The following CLSTN2 variants were observed in gnomAD, a reference collection of about 807,000 sequenced individuals.
CLSTN2 encodes the protein calsyntenin 2.
CLSTN2 carries 48 observed loss-of-function variants against 101.2 expected under a neutral mutation model. The observed-to-expected ratio is 0.47, with a 90% CI of 0.38 to 0.60. The LOEUF is 0.60. CLSTN2 is among the 20% of genes least tolerant of loss of function. CLSTN2 has a pLI of 0.00. For synonymous variants in CLSTN2, 481 were observed against 463.6 expected (o/e 1.04, Z -0.48); for missense variants, 1,160 against 1,238.2 (o/e 0.94, Z 0.95).
rs560416514 is a variant in CLSTN2 at position 140,376,910 on chromosome 3, A to C, written c.233-26719A>C. ...CCTGCCCTCTGAAGTGAAGGAAAGG[A>C]ACATACTTTTGCTATAGGTACTCCC... On this transcript the variant is annotated intron_variant, in intron 2 of 16. Transcript: ENST00000458420. Among the ~76,000 whole-genome samples, 4 of 152,312 alleles carry C rather than the reference A, an allele frequency of 2.6e-5. No individual in the cohort carries two copies. The South Asian group carries it at 6.2e-4, about 24-fold the overall frequency.
intron 2 of CLSTN2, among the ~76,000 whole-genome samples, chr3:140,249,232 C>A (rs1273444207): frequency 1.3e-5 from 2 of 152,208 alleles, no homozygotes; most frequent in African/African-American, 4.8e-5. Flanking sequence ...AAAGTTATTT[C>A]TCTGTTCAGT....
chr3:140,284,374 T>A (rs1319828680), intron 2 of CLSTN2, among the ~76,000 whole-genome samples: 1 of 152,168 alleles, frequency 6.6e-6, no homozygotes, highest in African/African-American at 2.4e-5. Context: ...CCATCACCCT[T>A]AGCCAGTCTT....
chr3:140,293,257 C>G (rs2086970954), intron 2 of CLSTN2, among the ~76,000 whole-genome samples: 2 of 151,842 alleles, frequency 1.3e-5, no homozygotes, highest in South Asian at 4.2e-4. Context: ...TGTAGAGTGA[C>G]AGAGGAGAGG....
Position 140,566,280 on chromosome 3 carries a change from C to A in CLSTN2, c.*27C>A. The A allele has an allele frequency of 6.5e-7, 1 of 1,546,782 alleles. No homozygotes were observed. The highest frequency in any genetic ancestry group is 2.4e-5 in the East Asian group (1 of 40,998). ...GCCCAGGGGTCTGCTGCCTGGCCCA[C>A]ATGTCCCTTTTGTAAACCCTGACCC... On this transcript the variant is annotated 3_prime_UTR_variant, in exon 17 of 17. Coordinates refer to ENST00000458420, the MANE Select transcript of CLSTN2 (RefSeq NM_022131.3).
Position 140,563,080 on chromosome 3 carries a change from G to A in CLSTN2, c.2359G>A (p.Val787Ile), listed in dbSNP as rs1178058553. Residue 787 changes from valine to isoleucine, a missense_variant and splice_region_variant, in exon 15 of 17, where the codon GTC becomes ATC. Physicochemically the swap from Val to Ile is conservative, Grantham distance 29 (BLOSUM62 3). Coordinates refer to ENST00000458420, the MANE Select transcript of CLSTN2 (RefSeq NM_022131.3). ...TAGCACCTCTCCCCACTCTTCCCAG[G>A]TCAGCATCCTTCATGAAGACCAAGT... The part of the protein sequence containing the change: ...RYTSNEFNLE[V>I]SILHEDQVSD... The A allele has an allele frequency of 1.2e-6, 2 of 1,614,018 alleles. No individual in the cohort carries two copies. Among genetic ancestry groups the A allele is most frequent in the Non-Finnish European group, 1.7e-6 (2 of 1,179,976 alleles).
At chr3:140,032,332 CTT>C (rs982523156) in intron 1 of CLSTN2, among the ~76,000 whole-genome samples, 7 of 120,374 alleles carry the variant, frequency 5.8e-5, no homozygotes, top group Admixed American at 1.7e-4. Context: ...CTAACAAGTA[CTT>C]TTTTTTTTTT....
At chr3:140,192,544 C>A (rs1317889991) in intron 2 of CLSTN2, among the ~76,000 whole-genome samples, 11 of 151,904 alleles carry the variant, frequency 7.2e-5, no homozygotes, top group Admixed American at 3.3e-4. Flanking sequence ...AATCATTATA[C>A]AATGTCACTC....
At chr3:140,362,409 T>C (rs1194069914) in intron 2 of CLSTN2, among the ~76,000 whole-genome samples, 2 of 152,160 alleles carry the variant, frequency 1.3e-5, no homozygotes, top group Non-Finnish European at 2.9e-5. Flanking sequence ...AGGCAATTAA[T>C]TCTTAGATAT....
chr3:140,397,682 C>T (rs967329620), intron 2 of CLSTN2, among the ~76,000 whole-genome samples: 18 of 152,140 alleles, frequency 1.2e-4, no homozygotes, highest in African/African-American at 4.3e-4. Context: ...CAAATCATGA[C>T]CTAATTAACT....
chr3:140,358,643 A>G (rs983741343), intron 2 of CLSTN2, among the ~76,000 whole-genome samples: 1 of 152,074 alleles, frequency 6.6e-6, no homozygotes, highest in Non-Finnish European at 1.5e-5. Flanking sequence ...TTTTAGATTA[A>G]TATTATTCTA....
intron 1 of CLSTN2, among the ~76,000 whole-genome samples, chr3:139,942,379 C>T (rs949867775): frequency 1.2e-4 from 18 of 152,138 alleles, no homozygotes; most frequent in African/African-American, 4.1e-4. Flanking sequence ...GGAGGGGTCT[C>T]CTGCACCAGA....
intron 5 of CLSTN2, among the ~76,000 whole-genome samples, chr3:140,438,948 T>C (rs919020375): frequency 6.6e-6 from 1 of 152,198 alleles, no homozygotes; most frequent in Admixed American, 6.5e-5. Context: ...TCCAGGCTTC[T>C]GAACACCACA....
Position 140,570,386 on chromosome 3 carries a change from G to GTATT in CLSTN2, c.*4134_*4137dup, listed in dbSNP as rs1305493005. 2 of 152,178 alleles carry GTATT rather than the reference G, an allele frequency of 1.3e-5. No individual in the cohort carries two copies. Among genetic ancestry groups the GTATT allele is most frequent in the African/African-American group, 4.8e-5 (2 of 41,434 alleles). 9.4% of individuals were successfully genotyped at this position (152,178 alleles called of 1,614,324 possible). A position where few individuals can be genotyped will look rare whatever the true frequency, so the allele number is the denominator to read the frequency against. ...TTACATAGCATTTACACTGTATTAG[G>GTATT]TATTATAAGTAACCTAGAGATGATT... On this transcript the variant is annotated 3_prime_UTR_variant, in exon 17 of 17. Transcript: ENST00000458420.
At chr3:140,298,864 G>T (rs143562617) in intron 2 of CLSTN2, among the ~76,000 whole-genome samples, 148 of 152,284 alleles carry the variant, frequency 9.7e-4, no homozygotes, top group African/African-American at 3.5e-3. Flanking sequence ...CCTTGAAGAG[G>T]CAAGGAAGGC....
Position 140,393,370 on chromosome 3 carries a change from C to T in CLSTN2, c.233-10259C>T, listed in dbSNP as rs151289033. On this transcript the variant is annotated intron_variant, in intron 2 of 16. Coordinates refer to ENST00000458420, the MANE Select transcript of CLSTN2 (RefSeq NM_022131.3). ...GGTTAATTGAGGAGGCTGCAATATT[C>T]AGCCCCTATATCTTGAGTGCTCATT... 4.7e-3 allele frequency among the ~76,000 whole-genome samples: 719 copies of T among 152,320 alleles called. 8 individuals carry two copies. Among genetic ancestry groups the T allele is most frequent in the African/African-American group, 0.017 (694 of 41,580 alleles).
intron 2 of CLSTN2, among the ~76,000 whole-genome samples, chr3:140,322,555 A>G (rs1029696717): frequency 2.6e-5 from 4 of 152,234 alleles, no homozygotes; most frequent in Non-Finnish European, 5.9e-5. Flanking sequence ...TCTACAGCAG[A>G]TGTCAATGTA....
intron 2 of CLSTN2, among the ~76,000 whole-genome samples, chr3:140,252,797 G>C (rs368392603): frequency 6.6e-6 from 1 of 152,184 alleles, no homozygotes; most frequent in African/African-American, 2.4e-5. Context: ...AGTGGATTAC[G>C]TTCTTCAAGG....
At chr3:140,446,952 C>T (rs1029881554) in intron 5 of CLSTN2, among the ~76,000 whole-genome samples, 1 of 152,180 alleles carries the variant, frequency 6.6e-6, no homozygotes, top group African/African-American at 2.4e-5. Context: ...GTACTCCAAG[C>T]AGAGCCTGGC....
intron 5 of CLSTN2, among the ~76,000 whole-genome samples, chr3:140,446,404 C>T (rs541238653): frequency 6.6e-6 from 1 of 152,290 alleles, no homozygotes; most frequent in South Asian, 2.1e-4. Flanking sequence ...GCACCCTCTA[C>T]TTGTGACACA....
Sources: gnomAD v4.1 joint callset for allele counts (sites outside exome capture counted in the v4.1 genomes callset) on GRCh38, gnomAD v4.1.1 for gene constraint, MANE v1.5 for transcripts, NCBI Gene and HGNC (gene_info 2026-07-23, HGNC 2026-07-21) for gene names.